Variants in SEMA3A observed in about 807,000 individuals in gnomAD.
The protein encoded by SEMA3A is semaphorin-3A.
SEMA3A carries 29 observed loss-of-function variants against 97.9 expected under a neutral mutation model. That is an observed-to-expected ratio of 0.30 (90% confidence interval 0.22 to 0.40). The LOEUF (loss-of-function observed/expected upper bound fraction) is 0.40, where lower values mean the gene tolerates loss of function less well. Ranked by LOEUF, SEMA3A falls within the 10% of genes least tolerant of loss-of-function variation. The probability of loss-of-function intolerance (pLI) is 1.00; values close to 1 mark genes in which losing one functional copy is unlikely to be tolerated. For synonymous variants in SEMA3A, 321 were observed against 323.7 expected (o/e 0.99, Z 0.09); for missense variants, 763 against 951.3 (o/e 0.80, Z 2.60).
At chr7:84,213,137 C>T (rs183198821) in intron 3 of SEMA3A, among the ~76,000 whole-genome samples, 29 of 151,964 alleles carry the variant, frequency 1.9e-4, no homozygotes, top group Non-Finnish European at 3.8e-4. Context: ...GCCACCATGC[C>T]CGGCTAATGT....
At chr7:84,437,700 C>T (rs1430665614) in intron 1 of SEMA3A, among the ~76,000 whole-genome samples, 1 of 150,894 alleles carries the variant, frequency 6.6e-6, no homozygotes, top group East Asian at 2.0e-4. Flanking sequence ...GCTGGGAAGG[C>T]CAATAAGAAA....
At chr7:84,205,001 A>G (rs757689319) in intron 3 of SEMA3A, among the ~76,000 whole-genome samples, 1 of 152,174 alleles carries the variant, frequency 6.6e-6, no homozygotes, top group Non-Finnish European at 1.5e-5. Flanking sequence ...TTAAATTATT[A>G]GAAGACCCAT....
chr7:84,183,848 C>T (rs1296215736), intron 1 of SEMA3A, among the ~76,000 whole-genome samples: 1 of 152,004 alleles, frequency 6.6e-6, no homozygotes, highest in Non-Finnish European at 1.5e-5. Flanking sequence ...AAAGAGCATT[C>T]ATTTCTGTGA....
rs1584516083 is a variant in SEMA3A, at chr7:83,991,997, A to C, written c.1453-6520T>G. ...CTATTGATTATTGCCACAATTTCAG[A>C]TCCTGTTATTGGTCTATTCAGAGAT... On this transcript the variant is annotated intron_variant, in intron 12 of 16. Transcript: ENST00000265362. Among the ~76,000 whole-genome samples, 5 of 141,506 alleles carry C rather than the reference A, an allele frequency of 3.5e-5. No individual in the cohort carries two copies. The South Asian group carries it at 1.2e-3, about 34-fold the overall frequency. 92.8% of individuals were successfully genotyped at this position (141,506 alleles called of 152,430 possible). A position where few individuals can be genotyped will look rare whatever the true frequency, so the allele number is the denominator to read the frequency against.
intron 3 of SEMA3A, among the ~76,000 whole-genome samples, chr7:84,122,924 G>C (rs1795672183): frequency 1.3e-5 from 2 of 152,098 alleles, no homozygotes. Flanking sequence ...TCAAAGTTCA[G>C]GTGCATGATA....
chr7:84,290,596 C>T (rs908427423), intron 3 of SEMA3A, among the ~76,000 whole-genome samples: 5 of 152,026 alleles, frequency 3.3e-5, no homozygotes, highest in South Asian at 2.1e-4. Context: ...CCACAACTCC[C>T]GTGGCATGGT....
At chr7:84,039,666 T>C (rs1792065020) in intron 6 of SEMA3A, among the ~76,000 whole-genome samples, 1 of 152,116 alleles carries the variant, frequency 6.6e-6, no homozygotes, top group Non-Finnish European at 1.5e-5. Flanking sequence ...AAATGATTTT[T>C]GAACAGGAGA....
At chr7:84,492,288 A>T (rs2116456029) in intron 1 of SEMA3A, among the ~76,000 whole-genome samples, 1 of 152,258 alleles carries the variant, frequency 6.6e-6, no homozygotes, top group African/African-American at 2.4e-5. Flanking sequence ...GCATTTAAGT[A>T]TTAATGACAG....
chr7:84,319,845 G>C (rs1435727379), intron 2 of SEMA3A, among the ~76,000 whole-genome samples: 1 of 151,914 alleles, frequency 6.6e-6, no homozygotes, highest in African/African-American at 2.4e-5. Flanking sequence ...TCACAAATTT[G>C]TGTTTTTCAA....
chr7:84,044,728 C>T (rs1792281742), intron 6 of SEMA3A, among the ~76,000 whole-genome samples: 1 of 151,928 alleles, frequency 6.6e-6, no homozygotes, highest in Admixed American at 6.6e-5. Flanking sequence ...CCTAACCAGG[C>T]TATGAACTTA....
intron 1 of SEMA3A, among the ~76,000 whole-genome samples, chr7:84,401,804 A>G (rs374484586): frequency 3.9e-5 from 6 of 152,326 alleles, no homozygotes; most frequent in African/African-American, 1.4e-4. Flanking sequence ...CTGGATATCC[A>G]TATGCAGACA....
chr7:84,122,293 A>G (rs1333546861), intron 3 of SEMA3A, among the ~76,000 whole-genome samples: 1 of 152,168 alleles, frequency 6.6e-6, no homozygotes, highest in Non-Finnish European at 1.5e-5. Context: ...TCTCAAAAGA[A>G]GACGTTTATG....
intron 1 of SEMA3A, among the ~76,000 whole-genome samples, chr7:84,427,606 C>T (rs1293575031): frequency 6.9e-6 from 1 of 144,728 alleles, no homozygotes; most frequent in African/African-American, 2.6e-5. Flanking sequence ...ATGGCCCCAG[C>T]CCCACTGCAC....
At chr7:84,365,272 C>G (rs1404633803) in intron 2 of SEMA3A, among the ~76,000 whole-genome samples, 1 of 151,404 alleles carries the variant, frequency 6.6e-6, no homozygotes, top group African/African-American at 2.4e-5. Flanking sequence ...TTGGAAAGAA[C>G]TATCATATAT....
At chr7:84,301,240 T>C (rs1389712479) in intron 3 of SEMA3A, among the ~76,000 whole-genome samples, 2 of 152,000 alleles carry the variant, frequency 1.3e-5, no homozygotes, top group Non-Finnish European at 2.9e-5. Flanking sequence ...AAAAACATAT[T>C]GTACTTCATC....
At chr7:84,411,086 T>A (rs1247307434) in intron 1 of SEMA3A, among the ~76,000 whole-genome samples, 2 of 152,068 alleles carry the variant, frequency 1.3e-5, no homozygotes, top group African/African-American at 4.8e-5. Flanking sequence ...TGTGTGTGGG[T>A]ATATGTTTAT....
At chr7:84,265,738 T>C (rs1279214116) in intron 3 of SEMA3A, among the ~76,000 whole-genome samples, 1 of 151,842 alleles carries the variant, frequency 6.6e-6, no homozygotes, top group Non-Finnish European at 1.5e-5. Context: ...AGTAGACTAA[T>C]CTAGTAACAG....
rs564631555 is a variant in SEMA3A, at chr7:84,147,035, CAG to C, written c.113-12086_113-12085del. 3.1e-4 allele frequency among the ~76,000 whole-genome samples: 47 copies of C among 152,260 alleles called. No individual in the cohort carries two copies. The East Asian group carries it at 8.9e-3, about 29-fold the overall frequency. On this transcript the variant is annotated intron_variant, in intron 1 of 16. Transcript: ENST00000265362. ...ATTTACTGTAACACAGCACATGTTTCAGAGTGTTCTTCAAATAACCATATTTC... is the reference window on the plus strand; with the variant it reads ...ATTTACTGTAACACAGCACATGTTTCAGTGTTCTTCAAATAACCATATTTC...
At chr7:84,082,325 C>T (rs1027732010) in intron 4 of SEMA3A, among the ~76,000 whole-genome samples, 6 of 152,052 alleles carry the variant, frequency 3.9e-5, no homozygotes, top group Admixed American at 6.6e-5. Flanking sequence ...AGCTACACGG[C>T]AAGAATGAGC....
Sources: gnomAD v4.1 joint callset for allele counts (sites outside exome capture counted in the v4.1 genomes callset) on GRCh38, gnomAD v4.1.1 for gene constraint, MANE v1.5 for transcripts, NCBI Gene and HGNC (gene_info 2026-07-23, HGNC 2026-07-21) for gene names.